Variants in ZDHHC2 observed in about 807,000 individuals in gnomAD.
The protein encoded by ZDHHC2 is zDHHC palmitoyltransferase 2, also known as palmitoyltransferase ZDHHC2.
ZDHHC2 carries 51 observed loss-of-function variants against 55.6 expected under a neutral mutation model. The ratio of observed to expected loss-of-function variants is 0.92; its 90% CI spans 0.73 to 1.16. The LOEUF is 1.16. Ranked by LOEUF, ZDHHC2 falls within the 50% of genes most tolerant of loss-of-function variation. The pLI is 0.00. For synonymous variants in ZDHHC2, 199 were observed against 152.9 expected, an observed-to-expected ratio of 1.30 and a Z score of -2.22; for missense variants, 491 against 442.4, an observed-to-expected ratio of 1.11 and a Z score of -0.99.
At chr8:17,184,611 T>C (rs1460358159) in intron 1 of ZDHHC2, among the ~76,000 whole-genome samples, 178 bp from the exon 2 acceptor site, 1 of 29,186 alleles carries the variant, frequency 3.4e-5, no homozygotes, top group Non-Finnish European at 6.6e-5. Flanking sequence ...CTCCAGCCGT[T>C]TCCTGCACCC....
At chr8:17,164,143 A>G (rs1435651389) in intron 1 of ZDHHC2, among the ~76,000 whole-genome samples, 1 of 152,202 alleles carries the variant, frequency 6.6e-6, no homozygotes, top group Non-Finnish European at 1.5e-5. Flanking sequence ...TTTCAAAATG[A>G]TAATATCACA....
intron 10 of ZDHHC2, 68 bp from the exon 11 acceptor site, chr8:17,215,169 G>T (rs1397071978): frequency 7.0e-6 from 10 of 1,430,944 alleles, no homozygotes; most frequent in African/African-American, 1.4e-5. Context: ...CATACATTGA[G>T]AAACAATCAA....
chr8:17,217,554 G>C lies in ZDHHC2; in HGVS notation c.*34+308G>C, dbSNP rs529893694. On this transcript the variant is annotated intron_variant, in intron 12 of 12. Coordinates refer to ENST00000262096, the MANE Select transcript of ZDHHC2 (RefSeq NM_016353.5). ...CTGAACTATATGTAAAAATTATCTT[G>C]TCATTTTATAGGAAGTTAGAATAAT... 1.6e-3 allele frequency among the ~76,000 whole-genome samples: 247 copies of C among 152,196 alleles called. 1 individual carries two copies. Among genetic ancestry groups the C allele is most frequent in the African/African-American group, 5.5e-3 (228 of 41,554 alleles).
At chr8:17,157,236 C>A (rs1050687132) in intron 1 of ZDHHC2, among the ~76,000 whole-genome samples, 1 of 152,186 alleles carries the variant, frequency 6.6e-6, no homozygotes, top group Non-Finnish European at 1.5e-5. Flanking sequence ...CTGGGCCCGG[C>A]CCCGAGCTGC....
At chr8:17,184,214 CTTGGA>C (rs1350181651) in intron 1 of ZDHHC2, among the ~76,000 whole-genome samples, 1 of 152,158 alleles carries the variant, frequency 6.6e-6, no homozygotes, top group African/African-American at 2.4e-5. Context: ...TACCTGCTAG[CTTGGA>C]ATATTTACAA....
chr8:17,181,032 T>G (rs946162135), intron 1 of ZDHHC2, among the ~76,000 whole-genome samples: 1 of 152,198 alleles, frequency 6.6e-6, no homozygotes, highest in Non-Finnish European at 1.5e-5. Context: ...TAGAGAAGTG[T>G]TTTCTTCACC....
At chr8:17,213,967 A>G (rs2150948480) in intron 10 of ZDHHC2, among the ~76,000 whole-genome samples, 1 of 152,304 alleles carries the variant, frequency 6.6e-6, no homozygotes, top group African/African-American at 2.4e-5. Context: ...GAAATATTCT[A>G]AAATTTTAGA....
rs536443942 is a variant in ZDHHC2 at position 17,163,266 on chromosome 8, CCCAGCCTGGTAACAGCGGGTCCAGTGTT to C, written c.130+6423_130+6450del. On this transcript the variant is annotated intron_variant, in intron 1 of 12. Transcript: ENST00000262096. ...AGAACACTGGAACCACCACTGCTCCCCCAGCCTGGTAACAGCGGGTCCAGTGTTCCAGCCTGGGCAGTGTCCAGCTGGC... is the reference window on the plus strand; with the variant it reads ...AGAACACTGGAACCACCACTGCTCCCCCAGCCTGGGCAGTGTCCAGCTGGC... Among the ~76,000 whole-genome samples the C allele has an allele frequency of 1.3e-4, 20 of 152,344 alleles. No homozygotes were observed. The East Asian group carries it at 3.9e-3, about 29-fold the overall frequency.
At chr8:17,181,166 A>G (rs1264391751) in intron 1 of ZDHHC2, among the ~76,000 whole-genome samples, 1 of 152,218 alleles carries the variant, frequency 6.6e-6, no homozygotes, top group Non-Finnish European at 1.5e-5. Context: ...AAAAATGAAT[A>G]CTTCTCATAT....
chr8:17,176,874 T>C (rs896558526), intron 1 of ZDHHC2, among the ~76,000 whole-genome samples: 6 of 151,838 alleles, frequency 4.0e-5, no homozygotes, highest in Non-Finnish European at 8.8e-5. Context: ...TATGTAAAAA[T>C]ATATAAGTAG....
At position 17,189,298 on chromosome 8, in the gene ZDHHC2, C is replaced by T. The variant is rs927102557; in HGVS notation, c.252+2873C>T. On this transcript the variant is annotated intron_variant, in intron 3 of 12. Transcript: ENST00000262096. The stretch of plus-strand genomic sequence containing the variant: ...CAACATAGAATAGCAACCCCACTAC[C>T]CTCGGCTTTCCCTGCACCTTACCTT... Among the ~76,000 whole-genome samples, 6 of 152,068 alleles carry T rather than the reference C, an allele frequency of 3.9e-5. No homozygotes were observed. The East Asian group carries it at 7.8e-4, about 20-fold the overall frequency.
intron 1 of ZDHHC2, 142 bp downstream of exon 1, chr8:17,156,995 C>A: frequency 2.7e-6 from 2 of 753,514 alleles, no homozygotes; most frequent in South Asian, 2.8e-5. Context: ...GGCTCCGCCG[C>A]TAAAAGCAGC....
chr8:17,202,796 A>G (rs776800653), intron 6 of ZDHHC2, among the ~76,000 whole-genome samples: 2 of 152,046 alleles, frequency 1.3e-5, no homozygotes, highest in East Asian at 1.9e-4. Flanking sequence ...CTCTATGTAT[A>G]TACATATTAA....
intron 3 of ZDHHC2, among the ~76,000 whole-genome samples, chr8:17,190,242 C>T (rs1486162399): frequency 2.0e-5 from 3 of 150,592 alleles, no homozygotes; most frequent in Admixed American, 1.3e-4. Context: ...GGCGACAGAT[C>T]GACACTCCGT....
Position 17,224,145 on chromosome 8 carries a change from A to C in ZDHHC2, c.*3924A>C, listed in dbSNP as rs1280199259. The C allele has an allele frequency of 6.6e-6, 1 of 151,746 alleles. No homozygotes were observed. Among genetic ancestry groups the C allele is most frequent in the Non-Finnish European group, 1.5e-5 (1 of 67,704 alleles). 9.4% of individuals were successfully genotyped at this position (151,746 alleles called of 1,614,324 possible). On this transcript the variant is annotated 3_prime_UTR_variant, in exon 13 of 13. Transcript: ENST00000262096. ...CAACACCGCTGAGAATTGTTCTTAT[A>C]CCAGCAAAAAGTTCAAATACAATAA...
chr8:17,197,912 G>A (rs754861590), intron 5 of ZDHHC2, among the ~76,000 whole-genome samples: 6 of 152,088 alleles, frequency 3.9e-5, no homozygotes, highest in African/African-American at 7.2e-5. Flanking sequence ...GTTCAATTTA[G>A]GAAATACTTC....
intron 1 of ZDHHC2, among the ~76,000 whole-genome samples, chr8:17,173,101 A>G (rs1804945509): frequency 1.3e-5 from 2 of 152,186 alleles, no homozygotes; most frequent in Admixed American, 1.3e-4. Context: ...TGGCAAGAGT[A>G]TCAAGCACAG....
At chr8:17,190,814 G>A (rs1805985648) in intron 3 of ZDHHC2, among the ~76,000 whole-genome samples, 1 of 151,724 alleles carries the variant, frequency 6.6e-6, no homozygotes, top group Non-Finnish European at 1.5e-5. Flanking sequence ...CGTAAATTGG[G>A]TATCAGTTAC....
intron 1 of ZDHHC2, among the ~76,000 whole-genome samples, chr8:17,172,450 T>A (rs1804905804): frequency 6.6e-6 from 1 of 152,188 alleles, no homozygotes; most frequent in Non-Finnish European, 1.5e-5. Flanking sequence ...GGGAGTGGGC[T>A]GCAGTTTAGT....
Sources: allele counts gnomAD v4.1 joint callset (sites outside exome capture counted in the v4.1 genomes callset), GRCh38; gene constraint gnomAD v4.1.1; transcripts MANE v1.5; gene names NCBI Gene and HGNC (gene_info 2026-07-23, HGNC 2026-07-21).